CASQ1: variants seen among roughly 807,000 people sequenced by gnomAD.
The protein encoded by CASQ1 is calsequestrin 1.
CASQ1 carries 40 observed loss-of-function variants against 49.5 expected under a neutral mutation model. The ratio of observed to expected loss-of-function variants is 0.81; its 90% CI spans 0.63 to 1.05. The LOEUF is 1.05. Ranked by LOEUF, CASQ1 falls within the 50% of genes least tolerant of loss-of-function variation. CASQ1 has a pLI of 0.00. For missense variants in CASQ1, 469 were observed against 486.9 expected, an observed-to-expected ratio of 0.96 and a Z score of 0.35; for synonymous variants, 174 against 187.2, an observed-to-expected ratio of 0.93 and a Z score of 0.58.
At chr1:160,196,101 G>A (rs901893870) in intron 6 of CASQ1, 74 bp downstream of exon 6, 4 of 1,487,832 alleles carry the variant, frequency 2.7e-6, no homozygotes, top group African/African-American at 2.8e-5. Context: ...GAGATGGGCT[G>A]GGGAAAGCTT....
rs760234491 is a variant in CASQ1 at position 160,190,732 on chromosome 1, A to G, written c.-20A>G. 53 of 1,608,646 alleles carry G rather than the reference A, an allele frequency of 3.3e-5. No homozygotes were observed. Among genetic ancestry groups the G allele is most frequent in the Non-Finnish European group, 4.3e-5 (50 of 1,176,008 alleles). On this transcript the variant is annotated 5_prime_UTR_variant, in exon 1 of 11. Coordinates refer to ENST00000368078, the MANE Select transcript of CASQ1 (RefSeq NM_001231.5). ...AACCTCTTCTGGACCAGGAGAGCCA[A>G]CCCAGATCCCACTACCTCCATGAGT...
intron 9 of CASQ1, 42 bp from the exon 10 acceptor site, chr1:160,199,809 C>A: frequency 7.6e-7 from 1 of 1,320,832 alleles, no homozygotes; most frequent in Non-Finnish European, 1.1e-6. Flanking sequence ...TTCATGTGCT[C>A]CCTAGTATCT....
rs557262712 is a variant in CASQ1 at position 160,195,992 on chromosome 1, AGAG to A, written c.751_753del (p.Glu251del). The A allele has an allele frequency of 1.7e-5, 28 of 1,613,972 alleles. No individual in the cohort carries two copies. The highest frequency in any genetic ancestry group is 2.4e-5 in the Non-Finnish European group (28 of 1,180,000). ...CCATCCCAGACAAGCCCAATAGCGA[AGAG>A]GAGATTGTCAACTTCGTGGAGGAGC... On this transcript the variant is annotated inframe_deletion, in exon 6 of 11. Transcript: ENST00000368078.
intron 3 of CASQ1, 55 bp from the exon 4 acceptor site, chr1:160,194,957 T>G: frequency 8.9e-7 from 1 of 1,118,800 alleles, no homozygotes. Context: ...CTAGGTCCCT[T>G]TCTGGTTCTA....
intron 4 of CASQ1, 63 bp downstream of exon 4, chr1:160,195,186 C>T (rs1557814796): frequency 2.0e-6 from 2 of 1,006,168 alleles, no homozygotes; most frequent in Non-Finnish European, 3.1e-6. Context: ...GTCCTCCCAC[C>T]TCCCCACATC....
Position 160,190,985 on chromosome 1 carries a change from C to T in CASQ1, c.234C>T (p.Asp78=), listed in dbSNP as rs775988203. 67 of 1,614,016 alleles carry T rather than the reference C, an allele frequency of 4.2e-5. No homozygotes were observed. The highest frequency in any genetic ancestry group is 1.6e-4 in the Middle Eastern group (1 of 6,084). Residue 78 remains aspartate (D), a synonymous_variant, in exon 1 of 11, where the codon GAC becomes GAT. Transcript: ENST00000368078. ...TCTACCATGAACCCCCCGAGGATGA[C>T]AAGGCCTCACAAAGACAATTTGAGA... The part of the protein sequence containing the change: ...ALLYHEPPED[D]KASQRQFEME...
intron 10 of CASQ1, 140 bp downstream of exon 10, chr1:160,200,065 G>T: frequency 1.5e-6 from 1 of 680,840 alleles, no homozygotes; most frequent in Non-Finnish European, 2.7e-6. Flanking sequence ...GATGGAGGGG[G>T]AGACTTAGGA....
At chr1:160,198,929 C>G in intron 8 of CASQ1, 24 bp from the exon 9 acceptor site, 1 of 1,467,002 alleles carries the variant, frequency 6.8e-7, no homozygotes, top group Non-Finnish European at 9.6e-7. Context: ...ACACCTCATA[C>G]CTTGTACTTG....
At chr1:160,192,084 A>G (rs980823598) in intron 1 of CASQ1, among the ~76,000 whole-genome samples, 1 of 152,198 alleles carries the variant, frequency 6.6e-6, no homozygotes, top group African/African-American at 2.4e-5. Context: ...TGCCCACAGC[A>G]GAGAAAATCA....
In CASQ1 at chr1:160,198,669, C is replaced by A; in HGVS notation, c.829-8C>A. 1 of 1,611,946 alleles carries A rather than the reference C, an allele frequency of 6.2e-7. No individual in the cohort carries two copies. The highest frequency in any genetic ancestry group is 8.5e-7 in the Non-Finnish European group (1 of 1,178,058). On this transcript the variant is annotated splice_region_variant and splice_polypyrimidine_tract_variant and intron_variant, in intron 7 of 10. Transcript: ENST00000368078. ...CAAAACCCTGTTCTCCTTCTTACCC[C>A]CTGACAGGAGGATGATATGGATGGA...
intron 3 of CASQ1, among the ~76,000 whole-genome samples, chr1:160,194,404 C>T (rs1242868274): frequency 6.8e-6 from 1 of 148,076 alleles, no homozygotes; most frequent in Non-Finnish European, 1.5e-5. Flanking sequence ...CTAGATACCA[C>T]ACACTATGCA....
chr1:160,193,588 G>A (rs1654130504), intron 2 of CASQ1, among the ~76,000 whole-genome samples, 159 bp from the exon 3 acceptor site: 2 of 152,078 alleles, frequency 1.3e-5, no homozygotes, highest in Non-Finnish European at 2.9e-5. Context: ...TCGGCCTCTG[G>A]GTCAGAGGAG....
In CASQ1 at chr1:160,191,709, A is replaced by G. The variant is rs1571046709; in HGVS notation, c.279+679A>G. Reference sequence around the variant, plus strand: ...GTCTCCTCACCTCCAAAATGACTTCAGGCCCAAAGGAGAAAGAAGTTATCA... The same window carrying G: ...GTCTCCTCACCTCCAAAATGACTTCGGGCCCAAAGGAGAAAGAAGTTATCA... On this transcript the variant is annotated intron_variant, in intron 1 of 10. Transcript: ENST00000368078. Among the ~76,000 whole-genome samples the G allele has an allele frequency of 2.6e-5, 4 of 152,200 alleles. No homozygotes were observed. The South Asian group carries it at 8.3e-4, about 31-fold the overall frequency.
chr1:160,193,828 T>G lies in CASQ1; in HGVS notation c.446T>G (p.Ile149Ser). Reference protein sequence around the residue: ...EYDGEFSADTIVEFLLDVLED... With the variant: ...EYDGEFSADTSVEFLLDVLED... ...GATGGCGAGTTTTCTGCTGACACCA[T>G]CGTGGAGTTTCTGCTTGATGTAAGG... is the stretch of plus-strand genomic sequence containing the variant. The change falls in exon 3 of 11, where the codon ATC becomes AGC. Residue 149 changes from isoleucine (I) to serine (S), a missense_variant. Transcript: ENST00000368078. 6.2e-7 allele frequency: 1 copy of G among 1,612,410 alleles called. No homozygotes were observed. The highest frequency in any genetic ancestry group is 1.7e-4 in the Middle Eastern group (1 of 6,044).
chr1:160,198,373 G>C, intron 7 of CASQ1: 1 of 237,376 alleles, frequency 4.2e-6, no homozygotes, highest in African/African-American at 2.3e-5. Context: ...GTGTGGTGGC[G>C]CATGGCTGTA....
rs1303311076 is a variant in CASQ1 at position 160,193,817 on chromosome 1, T to C, written c.435T>C (p.Ser145=). 4 of 1,612,908 alleles carry C rather than the reference T, an allele frequency of 2.5e-6. No individual in the cohort carries two copies. Among genetic ancestry groups the C allele is most frequent in the Non-Finnish European group, 3.4e-6 (4 of 1,179,160 alleles). ...DEVIEYDGEF[S]ADTIVEFLLD... ...TCATTGAGTACGATGGCGAGTTTTC[T>C]GCTGACACCATCGTGGAGTTTCTGC... Residue 145 remains serine, a synonymous_variant, in exon 3 of 11, where the codon TCT becomes TCC. Transcript: ENST00000368078.
intron 7 of CASQ1, 62 bp downstream of exon 7, chr1:160,197,676 C>A: frequency 8.7e-7 from 1 of 1,147,762 alleles, no homozygotes; most frequent in African/African-American, 1.5e-5. Context: ...GACTCAAGTC[C>A]TAGAAAAACC....
chr1:160,191,066 C>G lies in CASQ1; in HGVS notation c.279+36C>G, dbSNP rs1426271808. The G allele has an allele frequency of 3.1e-6, 5 of 1,603,274 alleles. No homozygotes were observed. The African/African-American group carries it at 6.7e-5, about 21-fold the overall frequency. ...GGCACTGCAGGCCTGCAGAGCATGT[C>G]TAGCCCCTCTCCGGAATCCCCTATC... On this transcript the variant is annotated intron_variant, in intron 1 of 10. Transcript: ENST00000368078.
chr1:160,193,093 T>C (rs2101671871), intron 2 of CASQ1, among the ~76,000 whole-genome samples: 1 of 152,262 alleles, frequency 6.6e-6, no homozygotes. Flanking sequence ...TGAAGTTCCA[T>C]GCTCAAATCC....
Sources: allele counts gnomAD v4.1 joint callset (sites outside exome capture counted in the v4.1 genomes callset), GRCh38; gene constraint gnomAD v4.1.1; transcripts MANE v1.5; gene names NCBI Gene and HGNC (gene_info 2026-07-23, HGNC 2026-07-21).